HDLBP: variants seen among roughly 807,000 people sequenced by gnomAD.
HDLBP encodes vigilin.
Under a neutral mutation model 137.3 loss-of-function variants are expected in HDLBP, and 30 were observed. That is an observed-to-expected ratio of 0.22 (90% CI 0.16 to 0.30). The LOEUF is 0.30. Ranked by LOEUF, HDLBP falls within the 10% of genes least tolerant of loss-of-function variation. The probability of loss-of-function intolerance (pLI) is 1.00; values close to 1 mark genes in which losing one functional copy is unlikely to be tolerated. For synonymous variants in HDLBP, 606 were observed against 596.0 expected (o/e 1.02, Z -0.24); for missense variants, 1,119 against 1,667.3 (o/e 0.67, Z 5.73).
At chr2:241,229,784 G>GGCC in intron 27 of HDLBP, 49 bp downstream of exon 27, 1 of 1,502,540 alleles carries the variant, frequency 6.7e-7, no homozygotes, top group Non-Finnish European at 9.1e-7. Context: ...AAGCCCGCCT[G>GGCC]CCCGCCCACC....
intron 12 of HDLBP, chr2:241,249,295 T>G: frequency 1.5e-5 from 7 of 470,814 alleles, no homozygotes; most frequent in South Asian, 1.1e-4. Flanking sequence ...ACTCACGCAG[T>G]ATTTGACTTC....
chr2:241,271,208 T>A (rs2074012487), intron 1 of HDLBP: 1 of 864,108 alleles, frequency 1.2e-6, no homozygotes. Flanking sequence ...CCCAACTACT[T>A]TTCCCATAGG....
chr2:241,305,028 T>G (rs2075524007), intron 1 of HDLBP, among the ~76,000 whole-genome samples: 2 of 152,220 alleles, frequency 1.3e-5, no homozygotes, highest in Non-Finnish European at 2.9e-5. Context: ...GGTGTGGTGT[T>G]TTTTATTACT....
chr2:241,233,743 T>C lies in HDLBP; in HGVS notation c.3288+77A>G. ...GCCCTCGAACCCCCATCTAGGCACA[T>C]CTGGTTACTGCTCCCAAGTCACAGG... On this transcript the variant is annotated intron_variant, in intron 24 of 27. Coordinates refer to ENST00000310931, the MANE Select transcript of HDLBP (RefSeq NM_005336.6). This position sits in a 1 kb window ranked among gnomAD's most constrained non-coding sequence, Gnocchi z 4.3. 2 of 1,558,282 alleles carry C rather than the reference T, an allele frequency of 1.3e-6. No homozygotes were observed. The highest frequency in any genetic ancestry group is 1.8e-6 in the Non-Finnish European group (2 of 1,135,276).
At chr2:241,311,230 G>C (rs994438578) in intron 1 of HDLBP, among the ~76,000 whole-genome samples, 4 of 152,310 alleles carry the variant, frequency 2.6e-5, no homozygotes, top group African/African-American at 9.6e-5. Flanking sequence ...CAATAAAAGA[G>C]AATCAGAACG....
intron 9 of HDLBP, 65 bp from the exon 10 acceptor site, chr2:241,253,562 A>C: frequency 8.9e-7 from 1 of 1,120,434 alleles, no homozygotes; most frequent in Non-Finnish European, 1.4e-6. Flanking sequence ...CTGAGCTCCC[A>C]GTGGGAGCTC....
intron 10 of HDLBP, 80 bp downstream of exon 10, chr2:241,253,313 T>A: frequency 1.1e-6 from 1 of 944,328 alleles, no homozygotes; most frequent in Non-Finnish European, 1.8e-6. Context: ...ATGTGGGATG[T>A]CATCGAGAGA....
chr2:241,242,915 T>C (rs1356396757), intron 16 of HDLBP: 2 of 551,648 alleles, frequency 3.6e-6, no homozygotes, highest in Admixed American at 6.1e-5. Context: ...TGGGAGGTGT[T>C]TAACTCAACA....
At position 241,239,086 on chromosome 2, in the gene HDLBP, C is replaced by T. The variant is rs145494201; in HGVS notation, c.2611-299G>A. ...GGTAGCCTCTGACTCCATGAGGAGG[C>T]ATCAGACTTGATTATTAGGGAAAGG... On this transcript the variant is annotated intron_variant, in intron 19 of 27. Coordinates refer to ENST00000310931, the MANE Select transcript of HDLBP (RefSeq NM_005336.6). The surrounding 1 kb of genome is among the most constrained non-coding windows in gnomAD (Gnocchi z 4.6). 5.9e-3 allele frequency among the ~76,000 whole-genome samples: 895 copies of T among 152,288 alleles called. 33 individuals are homozygous for T. The highest frequency in any genetic ancestry group is 0.052 in the Admixed American group (798 of 15,306).
chr2:241,283,619 C>A (rs986129936), intron 1 of HDLBP, among the ~76,000 whole-genome samples: 1 of 151,906 alleles, frequency 6.6e-6, no homozygotes, highest in African/African-American at 2.4e-5. Context: ...GGACTACAGG[C>A]GCCCACCACC....
intron 5 of HDLBP, among the ~76,000 whole-genome samples, chr2:241,257,421 C>T (rs2072733084): frequency 6.6e-6 from 1 of 152,136 alleles, no homozygotes; most frequent in South Asian, 2.1e-4. Flanking sequence ...TTAGTAGAGG[C>T]AGGGTTTCAC....
Position 241,233,648 on chromosome 2 carries a change from G to C in HDLBP, c.3288+172C>G, listed in dbSNP as rs1204803298. 6.6e-6 allele frequency among the ~76,000 whole-genome samples: 1 copy of C among 152,132 alleles called. No individual in the cohort carries two copies. Among genetic ancestry groups the C allele is most frequent in the African/African-American group, 2.4e-5 (1 of 41,420 alleles). ...TAGTGCCAGAGACCTCACCCATCTGGCAAGTACCGAGACACAGCCCAAACC... is the reference window on the plus strand; with the variant it reads ...TAGTGCCAGAGACCTCACCCATCTGCCAAGTACCGAGACACAGCCCAAACC... On this transcript the variant is annotated intron_variant, in intron 24 of 27. Coordinates refer to ENST00000310931, the MANE Select transcript of HDLBP (RefSeq NM_005336.6). The surrounding 1 kb of genome is among the most constrained non-coding windows in gnomAD (Gnocchi z 4.3).
At chr2:241,304,751 G>T (rs1217314750) in intron 1 of HDLBP, among the ~76,000 whole-genome samples, 1 of 152,216 alleles carries the variant, frequency 6.6e-6, no homozygotes, top group Non-Finnish European at 1.5e-5. Context: ...ACTAGAAAGT[G>T]CTGTGTGGGC....
At chr2:241,260,932 T>A (rs977255360) in intron 5 of HDLBP, among the ~76,000 whole-genome samples, 2 of 152,186 alleles carry the variant, frequency 1.3e-5, no homozygotes, top group Non-Finnish European at 2.9e-5. Context: ...GGCTCACACC[T>A]GTAATTCCAA....
At chr2:241,298,365 G>A (rs570595096) in intron 1 of HDLBP, among the ~76,000 whole-genome samples, 1 of 151,778 alleles carries the variant, frequency 6.6e-6, no homozygotes, top group South Asian at 2.1e-4. Flanking sequence ...GACTCAGTCT[G>A]AAAAAATAAT....
chr2:241,302,086 T>C (rs1463005312), intron 1 of HDLBP, among the ~76,000 whole-genome samples: 1 of 115,990 alleles, frequency 8.6e-6, no homozygotes, highest in Admixed American at 8.6e-5. Flanking sequence ...CTCCCATCTC[T>C]ACAAAAAAAA....
Position 241,272,288 on chromosome 2 carries a change from C to T in HDLBP, c.-102-3747G>A, listed in dbSNP as rs1179129864. On this transcript the variant is annotated intron_variant, in intron 1 of 27. Coordinates refer to ENST00000310931, the MANE Select transcript of HDLBP (RefSeq NM_005336.6). This position sits in a 1 kb window ranked among gnomAD's most constrained non-coding sequence, Gnocchi z 5.6. ...AGGACCCCGCTGGCCTCCCAGGGAC[C>T]CCCACCCTGGCCGCACACGGCGCCC... 1.0e-6 allele frequency: 1 copy of T among 978,688 alleles called. No individual in the cohort carries two copies. Among genetic ancestry groups the T allele is most frequent in the East Asian group, 1.2e-4 (1 of 8,666 alleles). 60.6% of individuals were successfully genotyped at this position (978,688 alleles called of 1,614,324 possible).
At chr2:241,309,727 A>C (rs530595387) in intron 1 of HDLBP, among the ~76,000 whole-genome samples, 1 of 152,322 alleles carries the variant, frequency 6.6e-6, no homozygotes, top group African/African-American at 2.4e-5. Flanking sequence ...CTGCAAAGGG[A>C]AGTAGAATCT....
At position 241,292,693 on chromosome 2, in the gene HDLBP, T is replaced by C. The variant is rs527441022; in HGVS notation, c.-103+22877A>G. ...ATACTCAAATGAAAAATATAAAATA[T>C]TGGGAGTGGGCAGGGCTATAGTAAA... On this transcript the variant is annotated intron_variant, in intron 1 of 27. Transcript: ENST00000310931. 3.0e-4 allele frequency among the ~76,000 whole-genome samples: 46 copies of C among 152,220 alleles called. No homozygotes were observed. In the South Asian group the frequency reaches 7.7e-3, roughly 25 times the overall value.
Sources: gnomAD v4.1 joint callset for allele counts (sites outside exome capture counted in the v4.1 genomes callset) on GRCh38, gnomAD v4.1.1 for gene constraint, Gnocchi (gnomAD v3.1) non-coding constraint, MANE v1.5 for transcripts, NCBI Gene and HGNC (gene_info 2026-07-23, HGNC 2026-07-21) for gene names.